The following RBFOX1 variants were observed in gnomAD, a reference collection of about 807,000 sequenced individuals.
RBFOX1 encodes the protein RNA binding protein fox-1 homolog 1.
A neutral mutation model predicts 57.7 loss-of-function variants in RBFOX1; 8 were observed. The ratio of observed to expected loss-of-function variants is 0.14; its 90% CI spans 0.08 to 0.25. RBFOX1 has a LOEUF of 0.25. Among genes scored for constraint, RBFOX1 ranks in the 10% least tolerant of loss-of-function variants. RBFOX1 has a pLI of 1.00. For synonymous variants in RBFOX1, 326 were observed against 222.4 expected (o/e 1.47, Z -4.15); for missense variants, 611 against 548.5 (o/e 1.11, Z -1.14).
At chr16:5,974,436 C>G (rs2060021891) in intron 4 of RBFOX1, among the ~76,000 whole-genome samples, 1 of 151,676 alleles carries the variant, frequency 6.6e-6, no homozygotes, top group Non-Finnish European at 1.5e-5. Flanking sequence ...TGGTGAAACC[C>G]CGTCCCTACT....
At chr16:6,986,728 C>T (rs564613080) in intron 3 of RBFOX1, among the ~76,000 whole-genome samples, 92 of 152,184 alleles carry the variant, frequency 6.0e-4, no homozygotes, top group African/African-American at 2.0e-3. Context: ...TGATGGGTAT[C>T]TTTTCGTGAC....
chr16:6,208,217 C>G (rs1389988066), intron 1 of RBFOX1, among the ~76,000 whole-genome samples: 1 of 151,612 alleles, frequency 6.6e-6, no homozygotes, highest in Non-Finnish European at 1.5e-5. Flanking sequence ...TAAAAAAATA[C>G]TGATTACTGA....
intron 1 of RBFOX1, among the ~76,000 whole-genome samples, chr16:5,326,912 C>G (rs1378307700): frequency 6.6e-6 from 1 of 152,162 alleles, no homozygotes; most frequent in Non-Finnish European, 1.5e-5. Flanking sequence ...ATTCATTTGT[C>G]CAATATCGAG....
chr16:7,227,007 C>G (rs1367746767), intron 4 of RBFOX1, among the ~76,000 whole-genome samples: 1 of 152,056 alleles, frequency 6.6e-6, no homozygotes, highest in Non-Finnish European at 1.5e-5. Flanking sequence ...TAAAAAATGG[C>G]TAAAGTTGAG....
At chr16:6,687,352 G>C (rs188798215) in intron 3 of RBFOX1, among the ~76,000 whole-genome samples, 1 of 152,120 alleles carries the variant, frequency 6.6e-6, no homozygotes, top group Non-Finnish European at 1.5e-5. Context: ...CACTACTTGC[G>C]TGACAGGTTT....
intron 2 of RBFOX1, among the ~76,000 whole-genome samples, chr16:5,469,778 C>A (rs779819340): frequency 2.0e-5 from 3 of 152,190 alleles, no homozygotes; most frequent in Non-Finnish European, 4.4e-5. Flanking sequence ...TCTTCCGTAT[C>A]TGGCTTCTTT....
At chr16:5,886,400 C>G (rs1276830669) in intron 4 of RBFOX1, among the ~76,000 whole-genome samples, 2 of 152,202 alleles carry the variant, frequency 1.3e-5, no homozygotes, top group African/African-American at 2.4e-5. Context: ...TATTACCAAT[C>G]TCAAGAGGAG....
intron 3 of RBFOX1, among the ~76,000 whole-genome samples, chr16:5,799,529 C>T (rs981242875): frequency 1.2e-4 from 18 of 152,160 alleles, no homozygotes; most frequent in African/African-American, 2.2e-4. Context: ...TGAGTACCTA[C>T]ACAACCATTC....
At chr16:6,465,778 G>A (rs1014912079) in intron 2 of RBFOX1, among the ~76,000 whole-genome samples, 3 of 151,710 alleles carry the variant, frequency 2.0e-5, no homozygotes, top group African/African-American at 7.3e-5. Flanking sequence ...TTACTATATG[G>A]CTCTTTGCAG....
At chr16:7,191,949 C>T (rs950686824) in intron 4 of RBFOX1, among the ~76,000 whole-genome samples, 9 of 152,230 alleles carry the variant, frequency 5.9e-5, no homozygotes, top group Admixed American at 3.3e-4. Flanking sequence ...TATTAAATTT[C>T]CTGAGCCGTC....
chr16:5,494,608 A>C (rs1302113924), intron 2 of RBFOX1, among the ~76,000 whole-genome samples: 1 of 152,190 alleles, frequency 6.6e-6, no homozygotes, highest in African/African-American at 2.4e-5. Flanking sequence ...TTCTGGAGGC[A>C]GGTGTTCCTG....
At chr16:6,749,319 C>T (rs1356902871) in intron 3 of RBFOX1, among the ~76,000 whole-genome samples, 1 of 152,156 alleles carries the variant, frequency 6.6e-6, no homozygotes, top group Non-Finnish European at 1.5e-5. Context: ...AACAGATGCA[C>T]ACAGGACGCA....
intron 2 of RBFOX1, among the ~76,000 whole-genome samples, chr16:6,645,012 T>G (rs1602523929): frequency 6.6e-6 from 1 of 152,262 alleles, no homozygotes; most frequent in Admixed American, 6.5e-5. Flanking sequence ...AGGCTCTACG[T>G]CCAAGTTGAA....
At chr16:6,342,147 T>C (rs2084665228) in intron 2 of RBFOX1, among the ~76,000 whole-genome samples, 1 of 152,052 alleles carries the variant, frequency 6.6e-6, no homozygotes, top group South Asian at 2.1e-4. Context: ...AGGGGAGTGA[T>C]GGTGGTCAAT....
In RBFOX1 at chr16:7,124,535, T is replaced by TTCCCTCTC. The variant is rs2067975252; in HGVS notation, c.27+72444_27+72451dup. Among the ~76,000 whole-genome samples, 4 of 36,530 alleles carry TTCCCTCTC rather than the reference T, an allele frequency of 1.1e-4. No homozygotes were observed. In the South Asian group the frequency reaches 6.3e-3, roughly 57 times the overall value. The allele number at this position is 36,530 out of a possible 152,430, so 24.0% of individuals were successfully genotyped here. On this transcript the variant is annotated intron_variant, in intron 4 of 15. Transcript: ENST00000550418. The stretch of plus-strand genomic sequence containing the variant: ...CCCTCCCCTCCCCTCCCCTCCTTCC[T>TTCCCTCTC]TCCCTCTCTCCCTCCCTCCCTCCCT...
At chr16:5,856,529 ATAT>A in intron 3 of RBFOX1, among the ~76,000 whole-genome samples, 1 of 55,558 alleles carries the variant, frequency 1.8e-5, no homozygotes, top group Non-Finnish European at 3.7e-5. Context: ...TCTCATTCAT[ATAT>A]GTGTATGTGT....
At chr16:6,268,968 C>T (rs1014833449) in intron 1 of RBFOX1, among the ~76,000 whole-genome samples, 6 of 152,194 alleles carry the variant, frequency 3.9e-5, no homozygotes, top group Non-Finnish European at 7.4e-5. Context: ...AACCTAAAAA[C>T]ATCCTCCTGT....
intron 3 of RBFOX1, among the ~76,000 whole-genome samples, chr16:5,662,282 C>G (rs895803245): frequency 6.6e-6 from 1 of 152,112 alleles, no homozygotes; most frequent in African/African-American, 2.4e-5. Flanking sequence ...CCTTTATGCT[C>G]TTAGAACATA....
chr16:5,398,568 G>T (rs1009241139), intron 1 of RBFOX1, among the ~76,000 whole-genome samples: 3 of 126,674 alleles, frequency 2.4e-5, no homozygotes, highest in African/African-American at 7.0e-5. Context: ...GCATCTGTAC[G>T]TGTGTGTGTG....
Sources: gnomAD v4.1 joint callset for allele counts (sites outside exome capture counted in the v4.1 genomes callset) on GRCh38, gnomAD v4.1.1 for gene constraint, MANE v1.5 for transcripts, NCBI Gene and HGNC (gene_info 2026-07-23, HGNC 2026-07-21) for gene names.